Variants in PIP5K1A observed in about 807,000 individuals in gnomAD.
The protein encoded by PIP5K1A is phosphatidylinositol 4-phosphate 5-kinase type-1 alpha.
In PIP5K1A, 46 loss-of-function variants were observed where a neutral mutation model predicts 72.9. The observed-to-expected ratio is 0.63, with a 90% confidence interval of 0.50 to 0.81. The LOEUF (loss-of-function observed/expected upper bound fraction) is 0.81. PIP5K1A is among the 30% of genes least tolerant of loss of function. The probability of loss-of-function intolerance (pLI) is 0.00; values close to 1 mark genes in which losing one functional copy is unlikely to be tolerated. For synonymous variants in PIP5K1A, 228 were observed against 255.1 expected, an observed-to-expected ratio of 0.89 and a Z score of 1.01; for missense variants, 458 against 706.1, an observed-to-expected ratio of 0.65 and a Z score of 3.98.
intron 1 of PIP5K1A, 119 bp downstream of exon 1, chr1:151,199,200 GA>G: frequency 2.6e-6 from 4 of 1,557,816 alleles, no homozygotes; most frequent in Non-Finnish European, 3.5e-6. Context: ...AAGTGGGCGC[GA>G]GCTGGGCTTT....
chr1:151,239,883 G>A (rs1691435964), intron 11 of PIP5K1A, 72 bp from the exon 12 acceptor site: 1 of 1,057,702 alleles, frequency 9.5e-7, no homozygotes. Flanking sequence ...TCAGTCTGGG[G>A]GAAGATGGCC....
chr1:151,209,402 C>T (rs971642549), intron 1 of PIP5K1A, among the ~76,000 whole-genome samples: 4 of 149,932 alleles, frequency 2.7e-5, no homozygotes, highest in African/African-American at 7.4e-5. Flanking sequence ...TCTCTAGTAG[C>T]TGGGATTACA....
intron 1 of PIP5K1A, 168 bp downstream of exon 1, chr1:151,199,249 A>G: frequency 7.5e-7 from 1 of 1,329,760 alleles, no homozygotes; most frequent in Non-Finnish European, 1.0e-6. Context: ...GTTTGAGGAA[A>G]GGATAAGTTT....
chr1:151,199,452 A>G (rs942627469), intron 1 of PIP5K1A, among the ~76,000 whole-genome samples: 1 of 152,028 alleles, frequency 6.6e-6, no homozygotes, highest in Non-Finnish European at 1.5e-5. Context: ...GTCCCTACTA[A>G]AAATACAAAA....
intron 14 of PIP5K1A, among the ~76,000 whole-genome samples, chr1:151,245,860 G>A (rs907678962): frequency 6.6e-6 from 1 of 152,026 alleles, no homozygotes; most frequent in African/African-American, 2.4e-5. Flanking sequence ...TTAGATTTTT[G>A]TTATAGCAGC....
At chr1:151,208,887 C>T (rs772831181) in intron 1 of PIP5K1A, among the ~76,000 whole-genome samples, 2 of 151,446 alleles carry the variant, frequency 1.3e-5, no homozygotes, top group Non-Finnish European at 2.9e-5. Context: ...CGCCTGCTAC[C>T]ACGCCCGGCT....
chr1:151,223,977 G>A (rs1463674468), intron 1 of PIP5K1A: 10 of 526,990 alleles, frequency 1.9e-5, no homozygotes, highest in Non-Finnish European at 2.0e-5. Context: ...CAAAAAAAAA[G>A]AAAAAGTTAT....
At chr1:151,238,315 A>G in intron 10 of PIP5K1A, 50 bp downstream of exon 10, 1 of 1,159,170 alleles carries the variant, frequency 8.6e-7, no homozygotes, top group South Asian at 1.2e-5. Context: ...ACAGATAACC[A>G]GTCACGTTTC....
chr1:151,210,809 T>TGTC (rs1320308190), intron 1 of PIP5K1A, among the ~76,000 whole-genome samples: 1 of 151,514 alleles, frequency 6.6e-6, no homozygotes, highest in African/African-American at 2.4e-5. Context: ...CTGGTTTTGA[T>TGTC]CTCCTGACCT....
chr1:151,248,807 A>G lies in PIP5K1A; in HGVS notation c.*942A>G, dbSNP rs1406034135. 2 of 152,628 alleles carry G rather than the reference A, an allele frequency of 1.3e-5. No individual in the cohort carries two copies. The highest frequency in any genetic ancestry group is 4.8e-5 in the African/African-American group (2 of 41,454). 9.5% of individuals were successfully genotyped at this position (152,628 alleles called of 1,614,324 possible). ...CCAAATGAATTTTAGATCATTCTCC[A>G]GAGGAGATTTTTTTTGCTCTTCTCA... is the stretch of plus-strand genomic sequence containing the variant. On this transcript the variant is annotated 3_prime_UTR_variant, in exon 16 of 16. Transcript: ENST00000368888.
chr1:151,232,642 T>A lies in PIP5K1A; in HGVS notation c.578T>A (p.Ile193Asn). ...FYVSSDDEFI[I>N]KTVQHKEAEF... ...GTGTCCAGCGACGATGAGTTCATTA[T>A]TAAGACAGTCCAACATAAAGAGGCG... The change falls in exon 7 of 16, where the codon ATT becomes AAT. Residue 193 changes from isoleucine (I) to asparagine (N), a missense_variant. Ile to Asn is a moderately radical substitution (Grantham distance 149). This residue lies in a region of PIP5K1A where 220 missense variants were observed against 442.6 expected (regional missense o/e 0.50). Coordinates refer to ENST00000368888, the MANE Select transcript of PIP5K1A (RefSeq NM_001135638.2). 6.2e-7 allele frequency: 1 copy of A among 1,613,660 alleles called. No homozygotes were observed. Among genetic ancestry groups the A allele is most frequent in the Non-Finnish European group, 8.5e-7 (1 of 1,179,818 alleles).
chr1:151,236,821 C>CTTTTTTTTTTTTTTT (rs369523470), intron 9 of PIP5K1A, 58 bp downstream of exon 9: 6 of 498,894 alleles, frequency 1.2e-5, no homozygotes, highest in East Asian at 3.6e-5. Flanking sequence ...CTTTTCTTTT[C>CTTTTTTTTTTTTTTT]TTTTTTTTTT....
chr1:151,247,492 C>G (rs929345599), intron 15 of PIP5K1A, among the ~76,000 whole-genome samples: 4 of 152,066 alleles, frequency 2.6e-5, no homozygotes, highest in Admixed American at 2.6e-4. Flanking sequence ...GTGGCGCGAT[C>G]TCGGCTCACT....
At chr1:151,225,740 G>T (rs1689026655) in intron 3 of PIP5K1A, among the ~76,000 whole-genome samples, 1 of 151,822 alleles carries the variant, frequency 6.6e-6, no homozygotes, top group Non-Finnish European at 1.5e-5. Context: ...AATGTGCTGG[G>T]ATTACAGGTG....
At chr1:151,229,189 A>AC (rs1400694989) in intron 4 of PIP5K1A, among the ~76,000 whole-genome samples, 7 of 149,584 alleles carry the variant, frequency 4.7e-5, no homozygotes, top group Non-Finnish European at 8.9e-5. Context: ...AAAAAAAAAA[A>AC]AAAACAGGAA....
intron 7 of PIP5K1A, 150 bp from the exon 8 acceptor site, chr1:151,234,047 G>A: frequency 1.6e-6 from 1 of 635,478 alleles, no homozygotes; most frequent in South Asian, 2.0e-5. Flanking sequence ...ATAGGGAAAT[G>A]TAAAGCATAT....
chr1:151,226,915 T>C (rs1456802960), intron 3 of PIP5K1A, among the ~76,000 whole-genome samples: 1 of 151,856 alleles, frequency 6.6e-6, no homozygotes, highest in African/African-American at 2.4e-5. Context: ...TAATCCCAGC[T>C]GCTCGGGAGG....
chr1:151,230,454 C>A (rs372915891), intron 4 of PIP5K1A, among the ~76,000 whole-genome samples: 4 of 152,098 alleles, frequency 2.6e-5, no homozygotes, highest in African/African-American at 9.7e-5. Flanking sequence ...GTGTTTTGAC[C>A]AAGTTTGATA....
At chr1:151,223,270 G>C (rs1475306810) in intron 1 of PIP5K1A, among the ~76,000 whole-genome samples, 2 of 150,688 alleles carry the variant, frequency 1.3e-5, no homozygotes, top group Admixed American at 1.3e-4. Context: ...AGAATCTCTT[G>C]AACTGGGAGA....
Sources: allele counts gnomAD v4.1 joint callset (sites outside exome capture counted in the v4.1 genomes callset), GRCh38; gene constraint gnomAD v4.1.1; regional missense constraint gnomAD v4.1.1; transcripts MANE v1.5; gene names NCBI Gene and HGNC (gene_info 2026-07-23, HGNC 2026-07-21).